Variants in TMC3 observed in about 807,000 individuals in gnomAD.
The protein encoded by TMC3 is transmembrane channel-like protein 3.
A neutral mutation model predicts 110.6 loss-of-function variants in TMC3; 98 were observed. The ratio of observed to expected loss-of-function variants is 0.89; its 90% CI spans 0.75 to 1.05. The LOEUF is 1.05. Ranked by LOEUF, TMC3 falls within the 50% of genes least tolerant of loss-of-function variation. TMC3 has a pLI of 0.00. For missense variants in TMC3, 1,319 were observed against 1,373.2 expected, an observed-to-expected ratio of 0.96 and a Z score of 0.62; for synonymous variants, 489 against 513.1, an observed-to-expected ratio of 0.95 and a Z score of 0.63.
chr15:81,354,866 G>A (rs866317998), intron 9 of TMC3, among the ~76,000 whole-genome samples: 5 of 140,670 alleles, frequency 3.6e-5, no homozygotes, highest in African/African-American at 1.5e-4. Flanking sequence ...ACAGTATGTT[G>A]TTATTATTAT....
At chr15:81,354,142 C>A (rs1231709626) in intron 9 of TMC3, among the ~76,000 whole-genome samples, 1 of 152,194 alleles carries the variant, frequency 6.6e-6, no homozygotes, top group African/African-American at 2.4e-5. Flanking sequence ...TTCAATTGGC[C>A]TATTTTGAAG....
chr15:81,364,154 G>T (rs1005084266), intron 3 of TMC3, among the ~76,000 whole-genome samples: 1 of 114,810 alleles, frequency 8.7e-6, no homozygotes, highest in Non-Finnish European at 1.6e-5. Context: ...TTGTAGGTGG[G>T]GGTAAAAAAA....
chr15:81,369,472 G>T (rs1894387994), intron 2 of TMC3, among the ~76,000 whole-genome samples: 1 of 152,146 alleles, frequency 6.6e-6, no homozygotes, highest in African/African-American at 2.4e-5. Context: ...CATCTTAATA[G>T]AGCTGTCTGC....
intron 9 of TMC3, among the ~76,000 whole-genome samples, chr15:81,354,556 G>T (rs555483905): frequency 5.9e-5 from 9 of 152,286 alleles, no homozygotes; most frequent in South Asian, 4.1e-4. Context: ...CTATGCAGCA[G>T]CCTCAGAAGA....
At chr15:81,345,570 G>T (rs1274796498) in intron 12 of TMC3, among the ~76,000 whole-genome samples, 1 of 152,134 alleles carries the variant, frequency 6.6e-6, no homozygotes, top group African/African-American at 2.4e-5. Flanking sequence ...AGGTGGGGCA[G>T]GTTGAAAGTG....
chr15:81,338,646 G>T lies in TMC3; in HGVS notation c.2081+9C>A. 1 of 1,613,720 alleles carries T rather than the reference G, an allele frequency of 6.2e-7. No homozygotes were observed. The highest frequency in any genetic ancestry group is 8.5e-7 in the Non-Finnish European group (1 of 1,179,796). On this transcript the variant is annotated intron_variant, in intron 18 of 21. Transcript: ENST00000359440. ...AAGTCCCTCCAAAGCTGGCAGGTGT[G>T]GTACTCACAAAAGCAGGAGTACTGC... is the stretch of plus-strand genomic sequence containing the variant.
intron 7 of TMC3, 135 bp downstream of exon 7, chr15:81,358,014 T>C (rs2141716409): frequency 8.9e-7 from 1 of 1,125,546 alleles, no homozygotes; most frequent in Non-Finnish European, 1.2e-6. Flanking sequence ...ATTACACATA[T>C]CATAACACTT....
chr15:81,334,673 A>G (rs576486776), intron 21 of TMC3, 47 bp downstream of exon 21: 145 of 1,576,258 alleles, frequency 9.2e-5, no homozygotes, highest in South Asian at 4.5e-4. Flanking sequence ...GAGGCCTTCA[A>G]ATCTCTCACA....
At chr15:81,358,090 A>G (rs2141716481) in intron 7 of TMC3, 59 bp downstream of exon 7, 3 of 1,470,138 alleles carry the variant, frequency 2.0e-6, no homozygotes, top group Middle Eastern at 1.9e-4. Flanking sequence ...GTAAGAAAAT[A>G]CTTCCATTAC....
At chr15:81,367,517 T>C (rs1222041747) in intron 3 of TMC3, among the ~76,000 whole-genome samples, 1 of 152,214 alleles carries the variant, frequency 6.6e-6, no homozygotes, top group Non-Finnish European at 1.5e-5. Flanking sequence ...ACTTTTCATT[T>C]AAGTAACTGA....
chr15:81,333,092 G>T lies in TMC3; in HGVS notation c.2630C>A (p.Ala877Glu). ...GGGGGCGTGGGGCCTGGGACCCTGTGCCAGCAAAGTCGAGGCCTGTGGTCC... is the reference window on the plus strand; with the variant it reads ...GGGGGCGTGGGGCCTGGGACCCTGTTCCAGCAAAGTCGAGGCCTGTGGTCC... ...HRGPQASTLL[A>E]QGPRPHAPRY... The change falls in exon 22 of 22, where the codon GCA becomes GAA. Residue 877 changes from alanine (A) to glutamate (E), a missense_variant. Coordinates refer to ENST00000359440, the MANE Select transcript of TMC3 (RefSeq NM_001080532.3). 6.2e-7 allele frequency: 1 copy of T among 1,614,036 alleles called. No homozygotes were observed. The highest frequency in any genetic ancestry group is 8.5e-7 in the Non-Finnish European group (1 of 1,179,890).
At chr15:81,334,219 T>C (rs1470095575) in intron 21 of TMC3, among the ~76,000 whole-genome samples, 1 of 152,216 alleles carries the variant, frequency 6.6e-6, no homozygotes, top group Non-Finnish European at 1.5e-5. Context: ...TTCGCTGTGC[T>C]ACATTCAGAT....
At chr15:81,351,606 C>T (rs1893951657) in intron 10 of TMC3, 88 bp downstream of exon 10, 1 of 1,485,146 alleles carries the variant, frequency 6.7e-7, no homozygotes, top group Admixed American at 2.0e-5. Context: ...CCTGCCCCAG[C>T]CTCCCAAAGT....
chr15:81,349,687 C>G, intron 10 of TMC3, 120 bp from the exon 11 acceptor site: 1 of 506,016 alleles, frequency 2.0e-6, no homozygotes, highest in Non-Finnish European at 3.2e-6. Context: ...GTCCTTGGAT[C>G]CTCCATGGAA....
At position 81,371,319 on chromosome 15, in the gene TMC3, G is replaced by A. The variant is rs1172577918; in HGVS notation, c.236+1272C>T. On this transcript the variant is annotated intron_variant, in intron 2 of 21. Transcript: ENST00000359440. ...ATCTTTCACAGTCACCTGCAGAAGAGGCTGGTCAGACTGGAAGAACATTAC... is the reference window on the plus strand; with the variant it reads ...ATCTTTCACAGTCACCTGCAGAAGAAGCTGGTCAGACTGGAAGAACATTAC... 3.3e-5 allele frequency among the ~76,000 whole-genome samples: 5 copies of A among 152,344 alleles called. No individual in the cohort carries two copies. In the South Asian group the frequency reaches 8.3e-4, roughly 25 times the overall value.
Position 81,338,660 on chromosome 15 carries a change from C to T in TMC3, c.2076G>A (p.Leu692=). The T allele has an allele frequency of 6.2e-7, 1 of 1,613,944 alleles. No homozygotes were observed. The highest frequency in any genetic ancestry group is 1.1e-5 in the South Asian group (1 of 91,078). ...SPVVILPAVL[L]LFMLIYYLQS... ...CTGGCAGGTGTGGTACTCACAAAAG[C>T]AGGAGTACTGCGGGCAGGATGACCA... Residue 692 remains leucine, a synonymous_variant, in exon 18 of 22, where the codon CTG becomes CTA. Transcript: ENST00000359440.
At position 81,358,928 on chromosome 15, in the gene TMC3, A is replaced by G. The variant is rs113461068; in HGVS notation, c.502-428T>C. Reference sequence around the variant, plus strand: ...TCTGAATAATGTACACAGTCTGGGTATTATTTCAACTTTGGGCTGGCAAAC... The same window carrying G: ...TCTGAATAATGTACACAGTCTGGGTGTTATTTCAACTTTGGGCTGGCAAAC... On this transcript the variant is annotated intron_variant, in intron 5 of 21. Coordinates refer to ENST00000359440, the MANE Select transcript of TMC3 (RefSeq NM_001080532.3). Among the ~76,000 whole-genome samples, 496 of 152,270 alleles carry G rather than the reference A, an allele frequency of 3.3e-3. 1 individual carries two copies. The highest frequency in any genetic ancestry group is 0.014 in the Middle Eastern group (4 of 294).
At chr15:81,358,044 C>T (rs1894103355) in intron 7 of TMC3, 105 bp downstream of exon 7, 1 of 1,319,276 alleles carries the variant, frequency 7.6e-7, no homozygotes, top group Non-Finnish European at 1.0e-6. Context: ...TTTGAGAAAT[C>T]AAGCAGTCAT....
At chr15:81,346,555 C>T (rs1046934620) in intron 11 of TMC3, 112 bp from the exon 12 acceptor site, 2 of 1,031,406 alleles carry the variant, frequency 1.9e-6, no homozygotes, top group African/African-American at 1.6e-5. Flanking sequence ...GCAGTGGCTG[C>T]CACACTTGGT....
Sources: allele counts gnomAD v4.1 joint callset (sites outside exome capture counted in the v4.1 genomes callset), GRCh38; gene constraint gnomAD v4.1.1; transcripts MANE v1.5; gene names NCBI Gene and HGNC (gene_info 2026-07-23, HGNC 2026-07-21).